Variants in NOCT observed in about 807,000 individuals in gnomAD.
NOCT encodes the protein nocturnin, also known as CCR4 carbon catabolite repression 4-like.
A neutral mutation model predicts 35.0 loss-of-function variants in NOCT; 18 were observed. The observed-to-expected ratio is 0.51, with a 90% confidence interval of 0.36 to 0.76. NOCT has a LOEUF of 0.76. Among genes scored for constraint, NOCT ranks in the 30% least tolerant of loss-of-function variants. NOCT has a pLI of 0.01. For synonymous variants in NOCT, 235 were observed against 226.3 expected, an observed-to-expected ratio of 1.04 and a Z score of -0.34; for missense variants, 479 against 541.0, an observed-to-expected ratio of 0.89 and a Z score of 1.14.
At chr4:139,031,031 G>A (rs1726613925) in intron 1 of NOCT, among the ~76,000 whole-genome samples, 1 of 152,150 alleles carries the variant, frequency 6.6e-6, no homozygotes, top group Non-Finnish European at 1.5e-5. Context: ...AACGCAAACT[G>A]TGAGAGAAGT....
intron 1 of NOCT, among the ~76,000 whole-genome samples, chr4:139,029,402 T>C (rs1459039993): frequency 6.6e-6 from 1 of 152,216 alleles, no homozygotes; most frequent in African/African-American, 2.4e-5. Flanking sequence ...CTTGAGTCCT[T>C]GCTTTAAGAC....
chr4:139,034,607 G>A (rs1211990075), intron 1 of NOCT, among the ~76,000 whole-genome samples: 10 of 152,072 alleles, frequency 6.6e-5, no homozygotes, highest in East Asian at 3.9e-4. Flanking sequence ...GTCTTGCTAT[G>A]TCACCCAGGC....
intron 2 of NOCT, among the ~76,000 whole-genome samples, chr4:139,044,053 A>T (rs926189552): frequency 4.0e-5 from 6 of 150,526 alleles, no homozygotes; most frequent in African/African-American, 1.5e-4. Context: ...GCCAAATTAA[A>T]AAACAGATGT....
intron 2 of NOCT, 177 bp downstream of exon 2, chr4:139,043,520 CT>C (rs200273114): frequency 0.13 from 57,467 of 445,558 alleles, 116 homozygotes; most frequent in East Asian, 0.2. Flanking sequence ...CTGGTTTTCA[CT>C]TTTTTTTTTT....
chr4:139,045,033 C>A lies in NOCT; in HGVS notation c.855C>A (p.Thr285=), dbSNP rs756072524. 4 of 1,614,210 alleles carry A rather than the reference C, an allele frequency of 2.5e-6. 1 individual carries two copies. The South Asian group carries it at 4.4e-5, about 18-fold the overall frequency. ...ESGRQFCIAV[T]HLKARTGWER... ...GCCGACAGTTCTGCATCGCTGTTAC[C>A]CATCTAAAAGCACGCACTGGCTGGG... The change falls in exon 3 of 3, where the codon ACC becomes ACA. Residue 285 remains threonine, a synonymous_variant. Transcript: ENST00000280614.
chr4:139,019,262 C>T (rs187156959), intron 1 of NOCT, among the ~76,000 whole-genome samples: 3 of 152,226 alleles, frequency 2.0e-5, no homozygotes, highest in East Asian at 1.9e-4. Context: ...ACGTGTTGCC[C>T]GGGCTCGTCT....
At chr4:139,027,719 C>T (rs1173698625) in intron 1 of NOCT, among the ~76,000 whole-genome samples, 3 of 152,048 alleles carry the variant, frequency 2.0e-5, no homozygotes, top group Admixed American at 6.6e-5. Flanking sequence ...AGGATGATCT[C>T]GATCTCCTGA....
chr4:139,045,603 G>T lies in NOCT; in HGVS notation c.*129G>T. ...CTGATCTCGGCTCACTGCAAGATCC[G>T]CCTCCCGGGTTCATGGCATTCTCCT... On this transcript the variant is annotated 3_prime_UTR_variant, in exon 3 of 3. Transcript: ENST00000280614. The T allele has an allele frequency of 1.9e-6, 1 of 538,914 alleles. No individual in the cohort carries two copies. Among genetic ancestry groups the T allele is most frequent in the Non-Finnish European group, 3.0e-6 (1 of 328,274 alleles). 33.4% of individuals were successfully genotyped at this position (538,914 alleles called of 1,614,324 possible). A position where few individuals can be genotyped will look rare whatever the true frequency, so the allele number is the denominator to read the frequency against.
Position 139,016,037 on chromosome 4 carries a change from G to T in NOCT, c.56G>T (p.Gly19Val). 7.2e-7 allele frequency: 1 copy of T among 1,391,050 alleles called. No individual in the cohort carries two copies. The highest frequency in any genetic ancestry group is 1.5e-5 in the African/African-American group (1 of 66,568). The allele number at this position is 1,391,050 out of a possible 1,614,324, so 86.2% of individuals were successfully genotyped here. A position where few individuals can be genotyped will look rare whatever the true frequency, so the allele number is the denominator to read the frequency against. Residue 19 changes from glycine to valine, a missense_variant, in exon 1 of 3, where the codon GGC becomes GTC. Transcript: ENST00000280614. ...CSALLQRDAP[G>V]LRRLPAPGLR... ...GCCCTGCTGCAGAGGGACGCGCCCGGCCTGCGCCGCCTGCCCGCCCCAGGG... is the reference window on the plus strand; with the variant it reads ...GCCCTGCTGCAGAGGGACGCGCCCGTCCTGCGCCGCCTGCCCGCCCCAGGG...
At position 139,042,000 on chromosome 4, in the gene NOCT, ATC is replaced by A. The variant is rs776443780; in HGVS notation, c.191-1069_191-1068del. On this transcript the variant is annotated intron_variant, in intron 1 of 2. Transcript: ENST00000280614. ...GTAGCAAGCAGCCTGCTATTACCTAATCTCTCACCCAGGATTAACATTAACAT... is the reference window on the plus strand; with the variant it reads ...GTAGCAAGCAGCCTGCTATTACCTAATCTCACCCAGGATTAACATTAACAT... 3.3e-5 allele frequency among the ~76,000 whole-genome samples: 5 copies of A among 151,736 alleles called. No individual in the cohort carries two copies. The Middle Eastern group carries it at 0.017, about 520-fold the overall frequency.
chr4:139,018,021 TG>T (rs1050679044), intron 1 of NOCT, among the ~76,000 whole-genome samples: 22 of 152,204 alleles, frequency 1.4e-4, no homozygotes, highest in African/African-American at 4.3e-4. Context: ...AAAATTAGGA[TG>T]TTGAATTGGT....
At chr4:139,031,704 C>G (rs13151404) in intron 1 of NOCT, among the ~76,000 whole-genome samples, 16,842 of 151,978 alleles carry the variant, frequency 0.11, 1,174 homozygotes, top group Non-Finnish European at 0.16. Context: ...GATTAGCCCA[C>G]TTGTGGGTTT....
In NOCT at chr4:139,040,929, A is replaced by G. The variant is rs556725853; in HGVS notation, c.191-2145A>G. Among the ~76,000 whole-genome samples, 8 of 152,320 alleles carry G rather than the reference A, an allele frequency of 5.3e-5. No homozygotes were observed. In the East Asian group the frequency reaches 1.3e-3, roughly 26 times the overall value. ...AGTAAAAAAAAAAAGTACAAGAAGA[A>G]AGACTTTCAAAACTTGTACTGCCAG... On this transcript the variant is annotated intron_variant, in intron 1 of 2. Transcript: ENST00000280614.
chr4:139,029,878 C>T (rs1726595051), intron 1 of NOCT, among the ~76,000 whole-genome samples: 1 of 152,140 alleles, frequency 6.6e-6, no homozygotes, highest in South Asian at 2.1e-4. Flanking sequence ...CACAGTTTCA[C>T]AAAAATTTAG....
chr4:139,015,901 C>T lies in NOCT; in HGVS notation c.-81C>T, dbSNP rs575927987. On this transcript the variant is annotated 5_prime_UTR_variant, in exon 1 of 3. Coordinates refer to ENST00000280614, the MANE Select transcript of NOCT (RefSeq NM_012118.4). Reference sequence around the variant, plus strand: ...CATCCGCCCACACTGCCCGGACAGTCGGCTCGACTCGGTGCCCTCGGCCCC... The same window carrying T: ...CATCCGCCCACACTGCCCGGACAGTTGGCTCGACTCGGTGCCCTCGGCCCC... 4.7e-4 allele frequency: 535 copies of T among 1,137,348 alleles called. No individual in the cohort carries two copies. Among genetic ancestry groups the T allele is most frequent in the Non-Finnish European group, 4.9e-4 (433 of 890,916 alleles). The allele number at this position is 1,137,348 out of a possible 1,614,324, so 70.5% of individuals were successfully genotyped here. A position where few individuals can be genotyped will look rare whatever the true frequency, so the allele number is the denominator to read the frequency against.
intron 1 of NOCT, among the ~76,000 whole-genome samples, chr4:139,028,618 G>C (rs921432483): frequency 6.6e-6 from 1 of 152,212 alleles, no homozygotes; most frequent in African/African-American, 2.4e-5. Context: ...CAGGACAGCT[G>C]CATCGCTGTT....
At chr4:139,038,100 T>C (rs563128934) in intron 1 of NOCT, among the ~76,000 whole-genome samples, 1 of 152,090 alleles carries the variant, frequency 6.6e-6, no homozygotes, top group South Asian at 2.1e-4. Context: ...CTCGGGAGGC[T>C]GAGGAAGGAG....
chr4:139,030,682 TTGG>T (rs760919403), intron 1 of NOCT, among the ~76,000 whole-genome samples: 2 of 152,228 alleles, frequency 1.3e-5, no homozygotes, highest in Non-Finnish European at 2.9e-5. Flanking sequence ...CTGCTTTATG[TTGG>T]TGGTTATCTT....
At chr4:139,032,643 G>A (rs1726647889) in intron 1 of NOCT, among the ~76,000 whole-genome samples, 1 of 152,194 alleles carries the variant, frequency 6.6e-6, no homozygotes. Context: ...GTGCCAAATA[G>A]AGTTCAGCAG....
Sources: gnomAD v4.1 joint callset for allele counts (sites outside exome capture counted in the v4.1 genomes callset) on GRCh38, gnomAD v4.1.1 for gene constraint, MANE v1.5 for transcripts, NCBI Gene and HGNC (gene_info 2026-07-23, HGNC 2026-07-21) for gene names.